Variants in PIKFYVE observed in about 807,000 individuals in gnomAD.
The protein encoded by PIKFYVE is phosphoinositide kinase, FYVE-type zinc finger containing, also known as 1-phosphatidylinositol 3-phosphate 5-kinase.
PIKFYVE carries 122 observed loss-of-function variants against 257.9 expected under a neutral mutation model. The ratio of observed to expected loss-of-function variants is 0.47; its 90% confidence interval spans 0.41 to 0.55. The LOEUF (loss-of-function observed/expected upper bound fraction) is 0.55, where lower values mean the gene tolerates loss of function less well. PIKFYVE is among the 20% of genes least tolerant of loss of function. The pLI is 0.00. For synonymous variants in PIKFYVE, 892 were observed against 868.9 expected, an observed-to-expected ratio of 1.03 and a Z score of -0.47; for missense variants, 2,160 against 2,536.6, an observed-to-expected ratio of 0.85 and a Z score of 3.19.
chr2:208,331,460 C>G (rs1222326878), intron 23 of PIKFYVE, among the ~76,000 whole-genome samples: 2 of 152,174 alleles, frequency 1.3e-5, no homozygotes, highest in Non-Finnish European at 2.9e-5. Flanking sequence ...TCACTGCAAC[C>G]TCTGTCTCCT....
At chr2:208,308,854 C>T (rs899434061) in intron 12 of PIKFYVE, among the ~76,000 whole-genome samples, 2 of 151,968 alleles carry the variant, frequency 1.3e-5, no homozygotes, top group African/African-American at 4.8e-5. Context: ...ATTACAGGCT[C>T]CTGCCACCAT....
intron 20 of PIKFYVE, among the ~76,000 whole-genome samples, chr2:208,326,630 T>C (rs1696954467): frequency 6.6e-6 from 1 of 152,204 alleles, no homozygotes; most frequent in Non-Finnish European, 1.5e-5. Context: ...GTAATGAAAC[T>C]GGGTTTCAGG....
intron 6 of PIKFYVE, among the ~76,000 whole-genome samples, chr2:208,287,273 T>A (rs1691698147): frequency 7.0e-6 from 1 of 141,914 alleles, no homozygotes; most frequent in Non-Finnish European, 1.5e-5. Context: ...TCTTTTTCTT[T>A]TTTTTTTTTT....
intron 5 of PIKFYVE, among the ~76,000 whole-genome samples, chr2:208,280,022 C>G (rs1690601103): frequency 6.6e-6 from 1 of 152,142 alleles, no homozygotes; most frequent in African/African-American, 2.4e-5. Context: ...TAGTTTCTCC[C>G]TACCTCTAAT....
chr2:208,345,085 G>A lies in PIKFYVE; in HGVS notation c.5028-26G>A, dbSNP rs376388362. On this transcript the variant is annotated intron_variant, in intron 32 of 41. Coordinates refer to ENST00000264380, the MANE Select transcript of PIKFYVE (RefSeq NM_015040.4). Reference sequence around the variant, plus strand: ...TTTAAAGAAGAAGTTAATGTTTAACGTTTTTCAACCTATTTCTGCCCTAAG... The same window carrying A: ...TTTAAAGAAGAAGTTAATGTTTAACATTTTTCAACCTATTTCTGCCCTAAG... The A allele has an allele frequency of 1.6e-4, 241 of 1,476,256 alleles. 1 individual carries two copies. Among genetic ancestry groups the A allele is most frequent in the East Asian group, 4.0e-4 (17 of 42,892 alleles). The allele number at this position is 1,476,256 out of a possible 1,614,324, so 91.4% of individuals were successfully genotyped here. A position where few individuals can be genotyped will look rare whatever the true frequency, so the allele number is the denominator to read the frequency against.
In PIKFYVE at chr2:208,325,876, A is replaced by G; in HGVS notation, c.3065A>G (p.Asp1022Gly). The G allele has an allele frequency of 6.2e-7, 1 of 1,614,156 alleles. No homozygotes were observed. Among genetic ancestry groups the G allele is most frequent in the Non-Finnish European group, 8.5e-7 (1 of 1,179,974 alleles). Residue 1022 changes from aspartate to glycine, a missense_variant, in exon 20 of 42, where the codon GAC (aspartate) becomes GGC (glycine). This residue lies in a region of PIKFYVE where 522 missense variants were observed against 514.6 expected (regional missense o/e 1.01). Coordinates refer to ENST00000264380, the MANE Select transcript of PIKFYVE (RefSeq NM_015040.4). ...GCCTTTAGAGACCCTCTACAGGATGACACTGGATTATATGTTACTGAGGAA... is the reference window on the plus strand; with the variant it reads ...GCCTTTAGAGACCCTCTACAGGATGGCACTGGATTATATGTTACTGAGGAA... ...IRAFRDPLQDDTGLYVTEEVT... is the reference protein window; with the variant it reads ...IRAFRDPLQDGTGLYVTEEVT...
chr2:208,306,290 A>G (rs1338346987), intron 12 of PIKFYVE, among the ~76,000 whole-genome samples: 2 of 152,228 alleles, frequency 1.3e-5, no homozygotes, highest in Non-Finnish European at 2.9e-5. Flanking sequence ...TTGGGTGAGT[A>G]TGAAAGGAGG....
At chr2:208,280,359 G>A (rs1690650260) in intron 5 of PIKFYVE, among the ~76,000 whole-genome samples, 1 of 152,052 alleles carries the variant, frequency 6.6e-6, no homozygotes, top group African/African-American at 2.4e-5. Context: ...GTGAGTTTGG[G>A]GACTCACTAA....
At position 208,304,943 on chromosome 2, in the gene PIKFYVE, C is replaced by G; in HGVS notation, c.1566C>G (p.Asp522Glu). 6.2e-7 allele frequency: 1 copy of G among 1,614,120 alleles called. No homozygotes were observed. Among genetic ancestry groups the G allele is most frequent in the Non-Finnish European group, 8.5e-7 (1 of 1,180,010 alleles). The stretch of plus-strand genomic sequence containing the variant: ...CTATCAGCCTGAACGTGGAGCTGGA[C>G]AACGTGAACTTCCATATCAAGAAGC... The part of the protein sequence containing the change: ...AASISLNVEL[D>E]NVNFHIKKPS... The change falls in exon 12 of 42, where the codon GAC (aspartate) becomes GAG (glutamate). Residue 522 changes from aspartate (D) to glutamate (E), a missense_variant. Asp to Glu is a conservative substitution (Grantham distance 45). Transcript: ENST00000264380.
intron 6 of PIKFYVE, among the ~76,000 whole-genome samples, chr2:208,286,837 T>C (rs892409067): frequency 6.6e-6 from 1 of 152,112 alleles, no homozygotes; most frequent in African/African-American, 2.4e-5. Flanking sequence ...GATTATTTTC[T>C]TTAGCTGAAT....
At chr2:208,347,726 A>G in intron 34 of PIKFYVE, 133 bp from the exon 35 acceptor site, 2 of 803,980 alleles carry the variant, frequency 2.5e-6, no homozygotes, top group Non-Finnish European at 4.1e-6. Context: ...ATGTGCAAAC[A>G]AAAGTATTTG....
chr2:208,285,884 A>G lies in PIKFYVE; in HGVS notation c.772A>G (p.Arg258Gly). The G allele has an allele frequency of 1.2e-6, 2 of 1,614,196 alleles. No individual in the cohort carries two copies. Among genetic ancestry groups the G allele is most frequent in the Non-Finnish European group, 1.7e-6 (2 of 1,180,034 alleles). Residue 258 changes from arginine (R) to glycine (G), a missense_variant, in exon 6 of 42, where the codon AGG becomes GGG. By Grantham distance (125) the Arg-to-Gly change is moderately radical (BLOSUM62 -2). Coordinates refer to ENST00000264380, the MANE Select transcript of PIKFYVE (RefSeq NM_015040.4). Reference protein sequence around the residue: ...PSEPRTPVGSRKASRNIFLED... With the variant: ...PSEPRTPVGSGKASRNIFLED... Reference sequence around the variant, plus strand: ...TGAACCCCGAACACCTGTTGGGAGTAGGAAAGCCAGCCGTAACATATTTTT... The same window carrying G: ...TGAACCCCGAACACCTGTTGGGAGTGGGAAAGCCAGCCGTAACATATTTTT...
chr2:208,328,189 C>T lies in PIKFYVE; in HGVS notation c.3628C>T (p.Leu1210=). The T allele has an allele frequency of 1.2e-6, 2 of 1,613,790 alleles. No homozygotes were observed. Among genetic ancestry groups the T allele is most frequent in the South Asian group, 2.2e-5 (2 of 91,076 alleles). ...ATTCCTTCTATTTCAGGTGGACTGTCTGAATCCCATTAATCACCAGAGACT... is the reference window on the plus strand; with the variant it reads ...ATTCCTTCTATTTCAGGTGGACTGTTTGAATCCCATTAATCACCAGAGACT... ...DAVWSTKVDC[L]NPINHQRLCV... is the part of the protein sequence containing the mutation. Residue 1210 remains leucine (L), a synonymous_variant, in exon 21 of 42, where the codon CTG becomes TTG. Transcript: ENST00000264380.
At chr2:208,332,637 T>A (rs1260775676) in intron 23 of PIKFYVE, among the ~76,000 whole-genome samples, 1 of 152,188 alleles carries the variant, frequency 6.6e-6, no homozygotes, top group African/African-American at 2.4e-5. Context: ...TGTGCAAGAA[T>A]ATTTTATGTG....
At chr2:208,327,476 A>ATTT (rs1373924723) in intron 20 of PIKFYVE, among the ~76,000 whole-genome samples, 2 of 152,190 alleles carry the variant, frequency 1.3e-5, no homozygotes, top group African/African-American at 4.8e-5. Flanking sequence ...AATGACTTGG[A>ATTT]TAAAGCCCAT....
At chr2:208,276,325 T>C (rs1037440878) in intron 3 of PIKFYVE, among the ~76,000 whole-genome samples, 8 of 152,224 alleles carry the variant, frequency 5.3e-5, no homozygotes, top group African/African-American at 1.9e-4. Flanking sequence ...CAAGCTAAGT[T>C]AACCCTCCTT....
At chr2:208,299,011 T>A (rs1193612371) in intron 8 of PIKFYVE, among the ~76,000 whole-genome samples, 1 of 151,858 alleles carries the variant, frequency 6.6e-6, no homozygotes, top group Non-Finnish European at 1.5e-5. Flanking sequence ...CCTAATTTTT[T>A]GTATTTTTAG....
intron 3 of PIKFYVE, among the ~76,000 whole-genome samples, chr2:208,274,218 T>A (rs1323951140): frequency 6.6e-6 from 1 of 152,214 alleles, no homozygotes; most frequent in African/African-American, 2.4e-5. Flanking sequence ...TGTGGCTGAA[T>A]AAGCTGAGCT....
chr2:208,328,332 AT>A lies in PIKFYVE; in HGVS notation c.3719+54del, dbSNP rs748367731. 1.9e-6 allele frequency: 3 copies of A among 1,609,730 alleles called. No homozygotes were observed. The Admixed American group carries it at 5.0e-5, about 27-fold the overall frequency. ...TCCACATAAGAACAGAATTCCAGCA[AT>A]TAAAAAAAAACAAAAACAAAAAAAC... is the stretch of plus-strand genomic sequence containing the variant. On this transcript the variant is annotated intron_variant, in intron 21 of 41. Transcript: ENST00000264380.
Sources: allele counts gnomAD v4.1 joint callset (sites outside exome capture counted in the v4.1 genomes callset), GRCh38; gene constraint gnomAD v4.1.1; regional missense constraint gnomAD v4.1.1; transcripts MANE v1.5; gene names NCBI Gene and HGNC (gene_info 2026-07-23, HGNC 2026-07-21).